APOE: variants seen among roughly 807,000 people sequenced by gnomAD.
APOE encodes apolipoprotein E.
APOE carries 10 observed loss-of-function variants against 13.1 expected under a neutral mutation model. The ratio of observed to expected loss-of-function variants is 0.76; its 90% CI spans 0.47 to 1.29. The LOEUF (loss-of-function observed/expected upper bound fraction) is 1.29. APOE is among the 50% of genes most tolerant of loss of function. The pLI is 0.00. For missense variants in APOE, 471 were observed against 459.6 expected (o/e 1.02, Z -0.23); for synonymous variants, 211 against 207.1 (o/e 1.02, Z -0.16).
rs1248087618 is a variant in APOE at position 44,907,737 on chromosome 19, C to T, written c.44-23C>T. The T allele has an allele frequency of 3.8e-6, 6 of 1,595,550 alleles. No individual in the cohort carries two copies. The highest frequency in any genetic ancestry group is 4.5e-5 in the East Asian group (2 of 44,368). The stretch of plus-strand genomic sequence containing the variant: ...GGACGGGGTCAGAAGGACCCTGACC[C>T]ACCTTGAACTTGTTCCACACAGGAT... On this transcript the variant is annotated intron_variant, in intron 2 of 3. Transcript: ENST00000252486. This position sits in a 1 kb window ranked among gnomAD's most constrained non-coding sequence, Gnocchi z 4.1.
In APOE at chr19:44,908,810, G is replaced by A. The variant is rs988698841; in HGVS notation, c.514G>A (p.Asp172Asn). 1.0e-5 allele frequency: 16 copies of A among 1,545,892 alleles called. No homozygotes were observed. The highest frequency in any genetic ancestry group is 1.0e-5 in the Non-Finnish European group (12 of 1,150,482). Residue 172 changes from aspartate (D) to asparagine (N), a missense_variant, in exon 4 of 4, where the codon GAC becomes AAC. By Grantham distance (23) the Asp-to-Asn change is conservative. Coordinates refer to ENST00000252486, the MANE Select transcript of APOE (RefSeq NM_000041.4). ...LRKRLLRDADDLQKRLAVYQA... is the reference protein window; with the variant it reads ...LRKRLLRDADNLQKRLAVYQA... ...TAAGCGGCTCCTCCGCGATGCCGAT[G>A]ACCTGCAGAAGCGCCTGGCAGTGTA...
chr19:44,906,002 C>G (rs1969800352), intron 1 of APOE, 161 bp downstream of exon 1: 1 of 1,103,156 alleles, frequency 9.1e-7, no homozygotes, highest in South Asian at 1.5e-5. Context: ...GGGACTGGAC[C>G]TGGGAAGGGC....
Position 44,907,829 on chromosome 19 carries a change from G to T in APOE, c.113G>T (p.Trp38Leu), listed in dbSNP as rs1301411037. The T allele has an allele frequency of 6.2e-7, 1 of 1,613,832 alleles. No individual in the cohort carries two copies. The highest frequency in any genetic ancestry group is 1.3e-5 in the African/African-American group (1 of 74,930). Residue 38 changes from tryptophan to leucine, a missense_variant, in exon 3 of 4, where the codon TGG (tryptophan) becomes TTG (leucine). Trp to Leu is a moderately conservative substitution (Grantham distance 61). Transcript: ENST00000252486. The surrounding 1 kb of genome is among the most constrained non-coding windows in gnomAD (Gnocchi z 4.1). The stretch of plus-strand genomic sequence containing the variant: ...CCCGAGCTGCGCCAGCAGACCGAGT[G>T]GCAGAGCGGCCAGCGCTGGGAACTG... ...PEPELRQQTEWQSGQRWELAL... is the reference protein window; with the variant it reads ...PEPELRQQTELQSGQRWELAL...
At position 44,908,876 on chromosome 19, in the gene APOE, G is replaced by A. The variant is rs1599954003; in HGVS notation, c.580G>A (p.Ala194Thr). 1.3e-6 allele frequency: 2 copies of A among 1,498,468 alleles called. No homozygotes were observed. Among genetic ancestry groups the A allele is most frequent in the African/African-American group, 1.4e-5 (1 of 69,664 alleles). The allele number at this position is 1,498,468 out of a possible 1,614,324, so 92.8% of individuals were successfully genotyped here. A position where few individuals can be genotyped will look rare whatever the true frequency, so the allele number is the denominator to read the frequency against. ...CGAGGGCGCCGAGCGCGGCCTCAGC[G>A]CCATCCGCGAGCGCCTGGGGCCCCT... is the stretch of plus-strand genomic sequence containing the variant. ...AREGAERGLS[A>T]IRERLGPLVE... is the part of the protein sequence containing the mutation. The change falls in exon 4 of 4, where the codon GCC (alanine) becomes ACC (threonine). Residue 194 changes from alanine (A) to threonine (T), a missense_variant. Ala to Thr is a moderately conservative substitution (Grantham distance 58, BLOSUM62 0). Coordinates refer to ENST00000252486, the MANE Select transcript of APOE (RefSeq NM_000041.4).
At position 44,907,614 on chromosome 19, in the gene APOE, C is replaced by A. The variant is rs1045906171; in HGVS notation, c.44-146C>A. 5.6e-6 allele frequency: 4 copies of A among 717,908 alleles called. No individual in the cohort carries two copies. Among genetic ancestry groups the A allele is most frequent in the Non-Finnish European group, 9.8e-6 (4 of 408,812 alleles). The allele number at this position is 717,908 out of a possible 1,614,324, so 44.5% of individuals were successfully genotyped here. Reference sequence around the variant, plus strand: ...CCTGTTTATAAATACATAATGCTTTCCAAGTGATTAAACCGACTCCCCCCT... The same window carrying A: ...CCTGTTTATAAATACATAATGCTTTACAAGTGATTAAACCGACTCCCCCCT... On this transcript the variant is annotated intron_variant, in intron 2 of 3. Transcript: ENST00000252486. The surrounding 1 kb of genome is among the most constrained non-coding windows in gnomAD (Gnocchi z 4.1).
At chr19:44,906,486 T>A (rs1467650254) in intron 1 of APOE, 116 bp from the exon 2 acceptor site, 4 of 1,053,194 alleles carry the variant, frequency 3.8e-6, no homozygotes, top group Non-Finnish European at 6.0e-6. Flanking sequence ...GATTAGGCTG[T>A]TGCAGATAAT....
At chr19:44,906,029 C>A in intron 1 of APOE, 188 bp downstream of exon 1, 1 of 807,530 alleles carries the variant, frequency 1.2e-6, no homozygotes, top group Non-Finnish European at 1.7e-6. Context: ...GCAGAGACGA[C>A]CCGACCCGCT....
At position 44,905,848 on chromosome 19, in the gene APOE, A is replaced by T. The variant is rs1351332135; in HGVS notation, c.-24+7A>T. 7.7e-7 allele frequency: 1 copy of T among 1,294,414 alleles called. No individual in the cohort carries two copies. The highest frequency in any genetic ancestry group is 1.2e-5 in the South Asian group (1 of 80,222). The allele number at this position is 1,294,414 out of a possible 1,614,324, so 80.2% of individuals were successfully genotyped here. A position where few individuals can be genotyped will look rare whatever the true frequency, so the allele number is the denominator to read the frequency against. ...CGTCCTTCCCCAGGAGCCGGTGAGA[A>T]GCGCAGTCGGGGGCACGGGGATGAG... On this transcript the variant is annotated splice_region_variant and intron_variant, in intron 1 of 3. Transcript: ENST00000252486.
At chr19:44,906,508 T>TG in intron 1 of APOE, 94 bp from the exon 2 acceptor site, 1 of 1,351,904 alleles carries the variant, frequency 7.4e-7, no homozygotes, top group South Asian at 1.2e-5. Context: ...CAACAAGGCT[T>TG]GGAAGGCTAA....
chr19:44,906,823 C>T (rs2122129467), intron 2 of APOE, 156 bp downstream of exon 2: 1 of 679,826 alleles, frequency 1.5e-6, no homozygotes, highest in Non-Finnish European at 2.6e-6. Context: ...CTCTGGGCCT[C>T]GGTTTCCCCC....
rs1969825985 is a variant in APOE, at chr19:44,907,275, C to A, written c.44-485C>A. 4.1e-6 allele frequency: 1 copy of A among 241,376 alleles called. No individual in the cohort carries two copies. The highest frequency in any genetic ancestry group is 8.2e-6 in the Non-Finnish European group (1 of 121,286). The allele number at this position is 241,376 out of a possible 1,614,324, so 15.0% of individuals were successfully genotyped here. On this transcript the variant is annotated intron_variant, in intron 2 of 3. Coordinates refer to ENST00000252486, the MANE Select transcript of APOE (RefSeq NM_000041.4). This position sits in a 1 kb window ranked among gnomAD's most constrained non-coding sequence, Gnocchi z 4.1. The stretch of plus-strand genomic sequence containing the variant: ...TTATTCTCCATCACCCCCACACAGC[C>A]CTGCCTGGGGCACACAAGGACACTC...
chr19:44,908,433 C>T (rs1008992136), intron 3 of APOE, 100 bp from the exon 4 acceptor site: 1 of 1,221,088 alleles, frequency 8.2e-7, no homozygotes, highest in Non-Finnish European at 1.2e-6. Flanking sequence ...TCCTTCTCTC[C>T]CTCTTGGGTC....
At position 44,907,684 on chromosome 19, in the gene APOE, T is replaced by C. The variant is rs1183419833; in HGVS notation, c.44-76T>C. On this transcript the variant is annotated intron_variant, in intron 2 of 3. Transcript: ENST00000252486. The surrounding 1 kb of genome is among the most constrained non-coding windows in gnomAD (Gnocchi z 4.1). ...CCAAAGAAGCATTTGTGGAGCACCT[T>C]CTGTGTGCCCCTAGGTACTAGATGC... 1 of 1,364,686 alleles carries C rather than the reference T, an allele frequency of 7.3e-7. No individual in the cohort carries two copies. Among genetic ancestry groups the C allele is most frequent in the African/African-American group, 1.4e-5 (1 of 69,804 alleles). 84.5% of individuals were successfully genotyped at this position (1,364,686 alleles called of 1,614,324 possible). A position where few individuals can be genotyped will look rare whatever the true frequency, so the allele number is the denominator to read the frequency against.
rs1267621301 is a variant in APOE, at chr19:44,908,818, G to A, written c.522G>A (p.Gln174=). Residue 174 remains glutamine (Q), a synonymous_variant, in exon 4 of 4, where the codon CAG becomes CAA. Coordinates refer to ENST00000252486, the MANE Select transcript of APOE (RefSeq NM_000041.4). ...TCCTCCGCGATGCCGATGACCTGCA[G>A]AAGCGCCTGGCAGTGTACCAGGCCG... ...KRLLRDADDL[Q]KRLAVYQAGA... is the part of the protein sequence containing the mutation. 6.5e-7 allele frequency: 1 copy of A among 1,542,480 alleles called. No individual in the cohort carries two copies. Among genetic ancestry groups the A allele is most frequent in the Admixed American group, 1.9e-5 (1 of 51,422 alleles).
chr19:44,908,331 C>A (rs1453886651), intron 3 of APOE, among the ~76,000 whole-genome samples: 1 of 152,136 alleles, frequency 6.6e-6, no homozygotes, highest in Non-Finnish European at 1.5e-5. Context: ...CCACCTTGCC[C>A]GGCCTCCTAG....
rs1257978352 is a variant in APOE, at chr19:44,909,112, C to T, written c.816C>T (p.Ala272=). The T allele has an allele frequency of 2.5e-6, 4 of 1,590,526 alleles. No homozygotes were observed. The highest frequency in any genetic ancestry group is 4.5e-5 in the East Asian group (2 of 44,042). The change falls in exon 4 of 4, where the codon GCC becomes GCT. Residue 272 remains alanine (A), a synonymous_variant. Transcript: ENST00000252486. ...AGGCCCAGCAGATACGCCTGCAGGC[C>T]GAGGCCTTCCAGGCCCGCCTCAAGA... ...EEQAQQIRLQ[A]EAFQARLKSW... is the part of the protein sequence containing the mutation.
At chr19:44,906,726 A>G (rs2122129240) in intron 2 of APOE, 59 bp downstream of exon 2, 5 of 1,564,436 alleles carry the variant, frequency 3.2e-6, no homozygotes, top group Non-Finnish European at 4.4e-6. Context: ...CCTCACCTCA[A>G]CCTCCTGGCC....
Position 44,907,988 on chromosome 19 carries a change from TG to T in APOE, c.236+39del. 2 of 1,598,946 alleles carry T rather than the reference TG, an allele frequency of 1.3e-6. No individual in the cohort carries two copies. Among genetic ancestry groups the T allele is most frequent in the Middle Eastern group, 2.1e-4 (1 of 4,812 alleles). On this transcript the variant is annotated intron_variant, in intron 3 of 3. Coordinates refer to ENST00000252486, the MANE Select transcript of APOE (RefSeq NM_000041.4). This position sits in a 1 kb window ranked among gnomAD's most constrained non-coding sequence, Gnocchi z 4.1. ...CCATCCTGGCCCTTGACCCTCCTGG[TG>T]GGCGGCTATACCTCCCCAGGTCCAG...
In APOE at chr19:44,908,536, G is replaced by T. The variant is rs759134820; in HGVS notation, c.240G>T (p.Ala80=). Residue 80 remains alanine (A), a synonymous_variant, in exon 4 of 4, where the codon GCG becomes GCT. Coordinates refer to ENST00000252486, the MANE Select transcript of APOE (RefSeq NM_000041.4). ...CCTCCCGCCCTCTCGGCCGCAGGGC[G>T]CTGATGGACGAGACCATGAAGGAGT... The part of the protein sequence containing the change: ...LSSQVTQELR[A]LMDETMKELK... 6.2e-7 allele frequency: 1 copy of T among 1,613,462 alleles called. No individual in the cohort carries two copies. Among genetic ancestry groups the T allele is most frequent in the Non-Finnish European group, 8.5e-7 (1 of 1,179,688 alleles).
Sources: allele counts gnomAD v4.1 joint callset (sites outside exome capture counted in the v4.1 genomes callset), GRCh38; gene constraint gnomAD v4.1.1; non-coding constraint Gnocchi (gnomAD v3.1); transcripts MANE v1.5; gene names NCBI Gene and HGNC (gene_info 2026-07-23, HGNC 2026-07-21).